NIM1K: variants seen among roughly 807,000 people sequenced by gnomAD.
NIM1K encodes the protein NIM1 serine/threonine protein kinase, also known as serine/threonine-protein kinase NIM1.
Under a neutral mutation model 37.1 loss-of-function variants are expected in NIM1K, and 35 were observed. The observed-to-expected ratio is 0.94, with a 90% CI of 0.72 to 1.25. NIM1K has a LOEUF of 1.25. NIM1K is among the 50% of genes most tolerant of loss of function. The pLI, the probability that NIM1K is intolerant of heterozygous loss-of-function variation, is 0.00. For missense variants in NIM1K, 564 were observed against 548.0 expected (o/e 1.03, Z -0.29); for synonymous variants, 234 against 206.6 (o/e 1.13, Z -1.14).
chr5:43,248,115 T>G (rs993629040), intron 2 of NIM1K, among the ~76,000 whole-genome samples: 1 of 152,180 alleles, frequency 6.6e-6, no homozygotes, highest in Non-Finnish European at 1.5e-5. Context: ...AAATTTGAGC[T>G]ACACCTCAAG....
Position 43,196,222 on chromosome 5 carries a change from A to G in NIM1K, c.-695+3811A>G, listed in dbSNP as rs189759994. ...GTTGGAATTATCTAGTTGGGATAAT[A>G]TATGGATACACTTGATTACATAATT... On this transcript the variant is annotated intron_variant, in intron 1 of 3. Transcript: ENST00000326035. Among the ~76,000 whole-genome samples, 29 of 152,348 alleles carry G rather than the reference A, an allele frequency of 1.9e-4. 1 individual carries two copies. Among genetic ancestry groups the G allele is most frequent in the South Asian group, 8.3e-4 (4 of 4,830 alleles).
chr5:43,227,737 G>T (rs1425752939), intron 1 of NIM1K, among the ~76,000 whole-genome samples: 2 of 152,044 alleles, frequency 1.3e-5, no homozygotes, highest in African/African-American at 4.8e-5. Flanking sequence ...TATTTTTATG[G>T]GTTTTATTAA....
At chr5:43,231,382 A>G (rs1276345066) in intron 1 of NIM1K, among the ~76,000 whole-genome samples, 1 of 152,190 alleles carries the variant, frequency 6.6e-6, no homozygotes. Flanking sequence ...TGTGTGTCAA[A>G]GAATGAGGGC....
intron 1 of NIM1K, among the ~76,000 whole-genome samples, chr5:43,221,670 G>A (rs1008282753): frequency 2.6e-5 from 4 of 152,210 alleles, no homozygotes; most frequent in Non-Finnish European, 4.4e-5. Flanking sequence ...GTGAGGTACA[G>A]AAACAGCCGG....
At chr5:43,272,970 A>G (rs936606205) in intron 2 of NIM1K, among the ~76,000 whole-genome samples, 8 of 152,092 alleles carry the variant, frequency 5.3e-5, no homozygotes, top group Non-Finnish European at 1.0e-4. Context: ...CCCTGGCACT[A>G]GGAGTCCTGG....
At chr5:43,199,709 G>A (rs1751989596) in intron 1 of NIM1K, among the ~76,000 whole-genome samples, 1 of 151,202 alleles carries the variant, frequency 6.6e-6, no homozygotes, top group African/African-American at 2.4e-5. Context: ...AGGGAAACTG[G>A]GATCGCCAGC....
intron 1 of NIM1K, among the ~76,000 whole-genome samples, chr5:43,204,600 GA>G (rs891289266): frequency 6.6e-6 from 1 of 151,762 alleles, no homozygotes; most frequent in African/African-American, 2.4e-5. Flanking sequence ...AGTGACTTGG[GA>G]GGCGGAGGAA....
At chr5:43,233,171 C>T in intron 1 of NIM1K, 1 of 1,246,144 alleles carries the variant, frequency 8.0e-7, no homozygotes, top group African/African-American at 1.5e-5. Context: ...TGCGGTCACG[C>T]ATGATTACTG....
intron 3 of NIM1K, among the ~76,000 whole-genome samples, chr5:43,277,648 C>CA (rs1212338570): frequency 1.3e-5 from 2 of 152,090 alleles, no homozygotes; most frequent in Non-Finnish European, 2.9e-5. Context: ...GCTGGCTCCT[C>CA]ACTGCTTCTT....
intron 1 of NIM1K, among the ~76,000 whole-genome samples, chr5:43,198,151 C>A (rs1447476160): frequency 1.3e-3 from 64 of 47,634 alleles, no homozygotes; most frequent in African/African-American, 4.3e-3. Flanking sequence ...TTCTTTCTTT[C>A]TTTCTTTCTT....
chr5:43,273,305 G>A (rs527653421), intron 2 of NIM1K, among the ~76,000 whole-genome samples: 1 of 151,810 alleles, frequency 6.6e-6, no homozygotes, highest in African/African-American at 2.4e-5. Context: ...CTGGGTTCAA[G>A]CAATTCTCCT....
At chr5:43,279,642 T>C (rs887136418) in intron 3 of NIM1K, among the ~76,000 whole-genome samples, 57 of 152,188 alleles carry the variant, frequency 3.7e-4, no homozygotes, top group East Asian at 1.9e-4. Flanking sequence ...GAAAAACCCA[T>C]GTATGACCTC....
At position 43,244,572 on chromosome 5, in the gene NIM1K, A is replaced by G. The variant is rs79987822; in HGVS notation, c.-694-510A>G. On this transcript the variant is annotated intron_variant, in intron 1 of 3. Coordinates refer to ENST00000326035, the MANE Select transcript of NIM1K (RefSeq NM_153361.4). The stretch of plus-strand genomic sequence containing the variant: ...TAGAAACTGACACCTGCTCAGAAAA[A>G]TTCAAAAAGTGAATGTAGGAGGAAA... Among the ~76,000 whole-genome samples the G allele has an allele frequency of 4.7e-3, 717 of 152,370 alleles. 1 individual carries two copies. Among genetic ancestry groups the G allele is most frequent in the Non-Finnish European group, 8.1e-3 (553 of 68,030 alleles).
intron 2 of NIM1K, among the ~76,000 whole-genome samples, chr5:43,259,974 T>C (rs1256889941): frequency 1.3e-5 from 2 of 152,148 alleles, no homozygotes; most frequent in African/African-American, 4.8e-5. Context: ...GTGAGTGGGA[T>C]CCAGTTTTAT....
chr5:43,246,204 C>T (rs1434176810), intron 2 of NIM1K, 137 bp downstream of exon 2: 10 of 641,274 alleles, frequency 1.6e-5, no homozygotes, highest in South Asian at 1.2e-4. Flanking sequence ...CTGTGCCAGC[C>T]GCCTTCTGTG....
intron 2 of NIM1K, among the ~76,000 whole-genome samples, chr5:43,247,411 T>C (rs979183750): frequency 2.2e-4 from 33 of 152,242 alleles, no homozygotes; most frequent in Middle Eastern, 3.2e-3. Flanking sequence ...AGCCTTGCCT[T>C]GCCTTGCCTC....
At chr5:43,222,419 CT>C (rs1197327015) in intron 1 of NIM1K, among the ~76,000 whole-genome samples, 3 of 152,068 alleles carry the variant, frequency 2.0e-5, no homozygotes, top group Admixed American at 1.3e-4. Flanking sequence ...TCATTCACCC[CT>C]GAAACATTTA....
At chr5:43,233,673 G>A (rs1045041309) in intron 1 of NIM1K, among the ~76,000 whole-genome samples, 5 of 152,302 alleles carry the variant, frequency 3.3e-5, no homozygotes, top group Admixed American at 1.3e-4. Flanking sequence ...TAGTGAGCAC[G>A]CTACATTAGA....
intron 2 of NIM1K, among the ~76,000 whole-genome samples, chr5:43,248,557 G>T (rs922678027): frequency 4.6e-5 from 7 of 152,228 alleles, no homozygotes; most frequent in Non-Finnish European, 1.0e-4. Flanking sequence ...CCAAAGAGAA[G>T]AATCTGGAGG....
Sources: gnomAD v4.1 joint callset for allele counts (sites outside exome capture counted in the v4.1 genomes callset) on GRCh38, gnomAD v4.1.1 for gene constraint, MANE v1.5 for transcripts, NCBI Gene and HGNC (gene_info 2026-07-23, HGNC 2026-07-21) for gene names.